Variants in GALNT13 observed in about 807,000 individuals in gnomAD.
The protein encoded by GALNT13 is UDP-GalNAc:polypeptide N-acetylgalactosaminyltransferase 13.
Under a neutral mutation model 64.2 loss-of-function variants are expected in GALNT13, and 28 were observed. The observed-to-expected ratio is 0.44, with a 90% CI of 0.32 to 0.60. GALNT13 has a LOEUF of 0.60. GALNT13 is among the 20% of genes least tolerant of loss of function. The pLI, the probability that GALNT13 is intolerant of heterozygous loss-of-function variation, is 0.05. For synonymous variants in GALNT13, 214 were observed against 224.6 expected, an observed-to-expected ratio of 0.95 and a Z score of 0.42; for missense variants, 577 against 669.8, an observed-to-expected ratio of 0.86 and a Z score of 1.53.
the GALNT13 span, among the ~76,000 whole-genome samples, chr2:153,534,518 C>CTT: frequency 0.02 from 2,449 of 123,498 alleles, 132 homozygotes; most frequent in African/African-American, 0.071. Flanking sequence ...GCCCCTCTTT[C>CTT]TTTCTTTCTT....
At chr2:153,577,649 T>C in the GALNT13 span, among the ~76,000 whole-genome samples, 5 of 152,056 alleles carry the variant, frequency 3.3e-5, no homozygotes, top group African/African-American at 1.2e-4. Flanking sequence ...TTACAAAAGG[T>C]ACTCTTTAGT....
chr2:153,615,559 A>T, the GALNT13 span, among the ~76,000 whole-genome samples: 1 of 151,908 alleles, frequency 6.6e-6, no homozygotes. Context: ...TGTCTTTGGG[A>T]TGTAAGCCAT....
At chr2:153,197,388 G>A in the GALNT13 span, among the ~76,000 whole-genome samples, 10 of 152,364 alleles carry the variant, frequency 6.6e-5, no homozygotes, top group African/African-American at 2.4e-4. Flanking sequence ...TGTGATGGTT[G>A]TGGTGAGGCA....
At chr2:153,589,872 G>A in the GALNT13 span, among the ~76,000 whole-genome samples, 2 of 152,138 alleles carry the variant, frequency 1.3e-5, no homozygotes, top group Admixed American at 6.5e-5. Flanking sequence ...GATGAGATTT[G>A]TGTGGGAATA....
chr2:154,244,101 T>G (rs74355036), intron 6 of GALNT13, among the ~76,000 whole-genome samples: 25 of 142,920 alleles, frequency 1.7e-4, no homozygotes, highest in African/African-American at 3.7e-4. Context: ...CATTATGTTG[T>G]TTTTTTTTTC....
chr2:153,072,002 C>T, the GALNT13 span, among the ~76,000 whole-genome samples: 1 of 152,158 alleles, frequency 6.6e-6, no homozygotes, highest in African/African-American at 2.4e-5. Context: ...CTGTTTCCTT[C>T]ACCACAAAAC....
the GALNT13 span, among the ~76,000 whole-genome samples, chr2:153,409,158 G>T: frequency 6.6e-6 from 1 of 151,956 alleles, no homozygotes; most frequent in Non-Finnish European, 1.5e-5. Flanking sequence ...CTTTTGAGGT[G>T]TTGGGACTCG....
the GALNT13 span, among the ~76,000 whole-genome samples, chr2:153,842,956 T>C: frequency 2.9e-3 from 441 of 152,194 alleles, 2 homozygotes; most frequent in South Asian, 0.011. Flanking sequence ...TCAGATTAAA[T>C]GAAGAATTTA....
intron 3 of GALNT13, among the ~76,000 whole-genome samples, chr2:153,998,733 G>C (rs1337265654): frequency 6.6e-6 from 1 of 152,040 alleles, no homozygotes; most frequent in East Asian, 1.9e-4. Context: ...GTCCTGAATG[G>C]TATTGCCTAG....
chr2:153,195,523 C>T, the GALNT13 span, among the ~76,000 whole-genome samples: 1 of 152,224 alleles, frequency 6.6e-6, no homozygotes, highest in African/African-American at 2.4e-5. Context: ...CTGCAAGCAG[C>T]TTCTCCAGCT....
At chr2:154,405,544 C>G (rs1028925651) in intron 10 of GALNT13, among the ~76,000 whole-genome samples, 2 of 148,190 alleles carry the variant, frequency 1.3e-5, no homozygotes, top group African/African-American at 2.5e-5. Context: ...GTCAGGATTT[C>G]GAGACCAGCC....
the GALNT13 span, among the ~76,000 whole-genome samples, chr2:153,166,071 G>A: frequency 0.051 from 7,807 of 152,124 alleles, 233 homozygotes; most frequent in East Asian, 0.1. Context: ...TACACGAGTG[G>A]CATACTCTAA....
At chr2:153,077,822 A>G in the GALNT13 span, among the ~76,000 whole-genome samples, 1 of 152,202 alleles carries the variant, frequency 6.6e-6, no homozygotes. Context: ...GTTTCGGGCT[A>G]TTTTTAAGGT....
chr2:153,376,407 A>T, the GALNT13 span, among the ~76,000 whole-genome samples: 1 of 152,164 alleles, frequency 6.6e-6, no homozygotes, highest in Non-Finnish European at 1.5e-5. Flanking sequence ...AGAGATCAGG[A>T]TTTATTCTAA....
chr2:153,862,797 G>A, the GALNT13 span, among the ~76,000 whole-genome samples: 649 of 151,976 alleles, frequency 4.3e-3, 4 homozygotes, highest in African/African-American at 0.015. Flanking sequence ...GGACTGTTAC[G>A]CATTCTAGGC....
At chr2:153,980,280 T>A (rs565068696) in intron 3 of GALNT13, among the ~76,000 whole-genome samples, 1 of 152,138 alleles carries the variant, frequency 6.6e-6, no homozygotes, top group Non-Finnish European at 1.5e-5. Context: ...ACAGGGAACC[T>A]TAAACACTAG....
chr2:154,380,033 A>AG (rs1271278505), intron 9 of GALNT13, among the ~76,000 whole-genome samples: 1 of 152,108 alleles, frequency 6.6e-6, no homozygotes, highest in Non-Finnish European at 1.5e-5. Flanking sequence ...AAATTCAAAA[A>AG]GTGGAATAAA....
At chr2:153,942,930 C>T (rs942215173) in intron 2 of GALNT13, among the ~76,000 whole-genome samples, 4 of 152,094 alleles carry the variant, frequency 2.6e-5, no homozygotes, top group African/African-American at 7.2e-5. Flanking sequence ...TTGAGACAAA[C>T]GTTTATGAAA....
At chr2:154,106,664 T>C (rs1961474) in intron 3 of GALNT13, among the ~76,000 whole-genome samples, 30,846 of 151,816 alleles carry the variant, frequency 0.2, 4,048 homozygotes, top group Middle Eastern at 0.32. Flanking sequence ...GTGTGAGTCT[T>C]ACTTTTTTTC....
Sources: allele counts gnomAD v4.1 joint callset (sites outside exome capture counted in the v4.1 genomes callset), GRCh38; gene constraint gnomAD v4.1.1; transcripts MANE v1.5; gene names NCBI Gene and HGNC (gene_info 2026-07-23, HGNC 2026-07-21).